IL18BP: variants seen among roughly 807,000 people sequenced by gnomAD.
The protein encoded by IL18BP is interleukin 18 binding protein.
A neutral mutation model predicts 19.9 loss-of-function variants in IL18BP; 23 were observed. That is an observed-to-expected ratio of 1.15 (90% CI 0.83 to 1.64). The LOEUF (loss-of-function observed/expected upper bound fraction) is 1.64. Among genes scored for constraint, IL18BP ranks in the 40% most tolerant of loss-of-function variants. The pLI is 0.00. For synonymous variants in IL18BP, 107 were observed against 101.0 expected (o/e 1.06, Z -0.35); for missense variants, 239 against 240.7 (o/e 0.99, Z 0.05).
At chr11:72,001,736 T>C in intron 5 of IL18BP, 48 bp from the exon 6 acceptor site, 1 of 1,613,738 alleles carries the variant, frequency 6.2e-7, no homozygotes, top group Non-Finnish European at 8.5e-7. Context: ...AGTGATGAGA[T>C]GTCCCTCCTT....
downstream of IL18BP, chr11:72,006,415 G>A (rs1247797544): frequency 1.6e-6 from 1 of 642,180 alleles, no homozygotes; most frequent in South Asian, 2.2e-5. Flanking sequence ...GCAAGAAATG[G>A]GCCTTGTCGA....
chr11:72,001,254 AT>A lies in IL18BP; in HGVS notation c.290del (p.Ile97ThrfsTer43). The A allele has an allele frequency of 6.2e-7, 1 of 1,614,204 alleles. No homozygotes were observed. Among genetic ancestry groups the A allele is most frequent in the Non-Finnish European group, 8.5e-7 (1 of 1,180,030 alleles). On this transcript the variant is annotated frameshift_variant, in exon 4 of 6. Coordinates refer to ENST00000393703, the MANE Select transcript of IL18BP (RefSeq NM_001039660.2). LOFTEE classifies it high-confidence loss of function. ...VACSRFPNFSILYWLGNGSFI... is the reference protein window; with the variant it reads ...VACSRFPNFSXLYWLGNGSFI... ...CTGCAGCCGCTTCCCCAACTTCAGCATCCTCTACTGGCTGGGCAATGGTTCC... is the reference window on the plus strand; with the variant it reads ...CTGCAGCCGCTTCCCCAACTTCAGCACCTCTACTGGCTGGGCAATGGTTCC...
downstream of IL18BP, chr11:72,007,037 G>C: frequency 1.1e-6 from 1 of 877,262 alleles, no homozygotes; most frequent in Non-Finnish European, 1.7e-6. Context: ...CCTTAACCAA[G>C]TCACTGCCCT....
rs377406153 is a variant in IL18BP, at chr11:72,000,498, C to T, written c.176C>T (p.Pro59Leu). 6 of 1,613,926 alleles carry T rather than the reference C, an allele frequency of 3.7e-6. No homozygotes were observed. In the East Asian group the frequency reaches 6.7e-5, roughly 18 times the overall value. ...TGCCCCTCCCAGCCCCCAGTGTTCC[C>T]AGCAGCTAAGCAGTGTCCAGCATTG... ...DPCPSQPPVF[P>L]AAKQCPALEV... The change falls in exon 3 of 6, where the codon CCA becomes CTA. Residue 59 changes from proline to leucine, a missense_variant. By Grantham distance (98) the Pro-to-Leu change is moderately conservative. Coordinates refer to ENST00000393703, the MANE Select transcript of IL18BP (RefSeq NM_001039660.2).
At chr11:72,007,698 T>G (rs1338579811), downstream of IL18BP, 4 of 523,576 alleles carry the variant, frequency 7.6e-6, no homozygotes, top group Non-Finnish European at 1.4e-5. Flanking sequence ...CCATGGCTGC[T>G]TCACAGCAAA....
downstream of IL18BP, among the ~76,000 whole-genome samples, chr11:72,006,807 G>T (rs1021601481): frequency 1.3e-5 from 2 of 152,218 alleles, no homozygotes; most frequent in Non-Finnish European, 2.9e-5. Context: ...TCAAGATGTG[G>T]AAACAAAGGC....
At chr11:72,004,202 TCCCCCTTCAG>T (rs771023918), downstream of IL18BP, 3 of 1,605,308 alleles carry the variant, frequency 1.9e-6, no homozygotes, top group South Asian at 3.3e-5. Flanking sequence ...CGTCGCTTCA[TCCCCCTTCAG>T]CCCCAGCCTC....
chr11:72,001,237 G>A lies in IL18BP; in HGVS notation c.272G>A (p.Arg91His), dbSNP rs5743672. ...TLSLSCVACS[R>H]FPNFSILYWL... Reference sequence around the variant, plus strand: ...AGCTTATCCTGTGTGGCCTGCAGCCGCTTCCCCAACTTCAGCATCCTCTAC... The same window carrying A: ...AGCTTATCCTGTGTGGCCTGCAGCCACTTCCCCAACTTCAGCATCCTCTAC... Residue 91 changes from arginine to histidine, a missense_variant, in exon 4 of 6, where the codon CGC becomes CAC. By Grantham distance (29) the Arg-to-His change is conservative. Coordinates refer to ENST00000393703, the MANE Select transcript of IL18BP (RefSeq NM_001039660.2). 164 of 1,614,158 alleles carry A rather than the reference G, an allele frequency of 1.0e-4. No individual in the cohort carries two copies. The African/African-American group carries it at 1.6e-3, about 16-fold the overall frequency.
chr11:72,003,861 C>CT, downstream of IL18BP: 2 of 1,611,090 alleles, frequency 1.2e-6, no homozygotes, highest in Non-Finnish European at 1.7e-6. Flanking sequence ...TCGGGTTTCC[C>CT]TCCCCCATCC....
downstream of IL18BP, chr11:72,004,795 T>C (rs1359610092): frequency 3.2e-6 from 5 of 1,585,722 alleles, no homozygotes; most frequent in Non-Finnish European, 4.3e-6. Flanking sequence ...TCATCTGTGA[T>C]GGTGCCCAGG....
chr11:72,001,590 A>G, intron 5 of IL18BP, 38 bp downstream of exon 5: 12 of 1,600,432 alleles, frequency 7.5e-6, no homozygotes, highest in Non-Finnish European at 1.0e-5. Flanking sequence ...GAACAGGAGG[A>G]GCTCTGCTTC....
downstream of IL18BP, chr11:72,007,972 C>CAAG (rs1332234006): frequency 1.6e-5 from 6 of 386,756 alleles, no homozygotes; most frequent in Admixed American, 2.1e-4. Context: ...GGTGACAAGC[C>CAAG]AAGAACTCAG....
downstream of IL18BP, chr11:72,005,264 T>C: frequency 6.2e-7 from 1 of 1,605,712 alleles, no homozygotes; most frequent in Non-Finnish European, 8.5e-7. Context: ...GGTCTTCAGA[T>C]GTGGGGGGCA....
chr11:72,005,476 G>T, downstream of IL18BP: 2 of 1,043,716 alleles, frequency 1.9e-6, no homozygotes, highest in Non-Finnish European at 2.9e-6. Flanking sequence ...TAAACTTGAA[G>T]CCCAGCACAC....
downstream of IL18BP, chr11:72,003,980 G>T (rs763198425): frequency 1.2e-5 from 19 of 1,613,222 alleles, no homozygotes; most frequent in Middle Eastern, 1.7e-4. Context: ...GGGTTCCACT[G>T]CGAGTGTTGG....
chr11:72,003,920 G>A (rs768146004), downstream of IL18BP: 44 of 1,613,114 alleles, frequency 2.7e-5, no homozygotes, highest in Middle Eastern at 6.7e-4. Context: ...CACCAATGGC[G>A]GCAGCAGTGG....
chr11:72,005,154 G>A, downstream of IL18BP: 4 of 1,430,626 alleles, frequency 2.8e-6, no homozygotes, highest in Non-Finnish European at 3.7e-6. Flanking sequence ...CAGGGCCCTA[G>A]TGCTCAGGCT....
At chr11:72,005,707 G>A, downstream of IL18BP, 1 of 496,430 alleles carries the variant, frequency 2.0e-6, no homozygotes, top group Non-Finnish European at 3.5e-6. Flanking sequence ...CAAAGGACAA[G>A]AGCTTCCAAG....
chr11:72,004,381 G>A, downstream of IL18BP: 2 of 1,561,388 alleles, frequency 1.3e-6, no homozygotes, highest in Non-Finnish European at 1.8e-6. Flanking sequence ...GTAGCAAGAG[G>A]AGTCACATCT....
Sources: gnomAD v4.1 joint callset for allele counts (sites outside exome capture counted in the v4.1 genomes callset) on GRCh38, gnomAD v4.1.1 for gene constraint, MANE v1.5 for transcripts, NCBI Gene and HGNC (gene_info 2026-07-23, HGNC 2026-07-21) for gene names.